PPTC7: variants seen among roughly 807,000 people sequenced by gnomAD.
The protein encoded by PPTC7 is protein phosphatase targeting COQ7, also known as protein phosphatase PTC7 homolog.
PPTC7 carries 6 observed loss-of-function variants against 30.8 expected under a neutral mutation model. The ratio of observed to expected loss-of-function variants is 0.19; its 90% confidence interval spans 0.11 to 0.38. PPTC7 has a LOEUF of 0.38. Ranked by LOEUF, PPTC7 falls within the 10% of genes least tolerant of loss-of-function variation. The pLI, the probability that PPTC7 is intolerant of heterozygous loss-of-function variation, is 1.00. For missense variants in PPTC7, 218 were observed against 404.8 expected, an observed-to-expected ratio of 0.54 and a Z score of 3.96; for synonymous variants, 163 against 168.1, an observed-to-expected ratio of 0.97 and a Z score of 0.23.
chr12:110,533,459 A>G lies in PPTC7; in HGVS notation c.*3578T>C, dbSNP rs2064185977. 6.6e-6 allele frequency: 1 copy of G among 152,202 alleles called. No individual in the cohort carries two copies. Among genetic ancestry groups the G allele is most frequent in the Admixed American group, 6.5e-5 (1 of 15,272 alleles). The allele number at this position is 152,202 out of a possible 1,614,324, so 9.4% of individuals were successfully genotyped here. On this transcript the variant is annotated 3_prime_UTR_variant, in exon 6 of 6. Transcript: ENST00000354300. The stretch of plus-strand genomic sequence containing the variant: ...TCATTATTTAGCCATCTTTGCCACA[A>G]ACTACCTGCTAACAGTTAAAATTCT...
chr12:110,565,496 C>T (rs1051269907), intron 1 of PPTC7, among the ~76,000 whole-genome samples: 3 of 152,088 alleles, frequency 2.0e-5, no homozygotes, highest in Non-Finnish European at 4.4e-5. Flanking sequence ...CCTTGTGATC[C>T]ATCCCGCCTT....
intron 5 of PPTC7, 135 bp from the exon 6 acceptor site, chr12:110,537,230 T>A (rs1453621651): frequency 1.6e-5 from 8 of 502,326 alleles, no homozygotes; most frequent in South Asian, 1.6e-4. Flanking sequence ...CCTAGTAGAA[T>A]AAAGAAAAAA....
At chr12:110,545,184 C>T (rs1295307403) in intron 3 of PPTC7, among the ~76,000 whole-genome samples, 1 of 152,132 alleles carries the variant, frequency 6.6e-6, no homozygotes, top group African/African-American at 2.4e-5. Flanking sequence ...TCTCTGCCTC[C>T]TGGGTTCAAG....
rs146655558 is a variant in PPTC7, at chr12:110,551,574, C to T, written c.403+215G>A. Among the ~76,000 whole-genome samples, 1,737 of 152,130 alleles carry T rather than the reference C, an allele frequency of 0.011. 17 individuals carry two copies. Among genetic ancestry groups the T allele is most frequent in the Middle Eastern group, 0.017 (5 of 294 alleles). On this transcript the variant is annotated intron_variant, in intron 2 of 5. Coordinates refer to ENST00000354300, the MANE Select transcript of PPTC7 (RefSeq NM_139283.2). Reference sequence around the variant, plus strand: ...GTTGGTCAGGCTGGTCTCGAATTCCCGACCTCAGGTGATCTGCCCACCTCA... The same window carrying T: ...GTTGGTCAGGCTGGTCTCGAATTCCTGACCTCAGGTGATCTGCCCACCTCA...
At chr12:110,565,211 G>C (rs1428228803) in intron 1 of PPTC7, among the ~76,000 whole-genome samples, 1 of 151,620 alleles carries the variant, frequency 6.6e-6, no homozygotes, top group Non-Finnish European at 1.5e-5. Flanking sequence ...AATGATCTTT[G>C]AGTAGTAGGA....
At chr12:110,579,209 G>A (rs1003299745) in intron 1 of PPTC7, among the ~76,000 whole-genome samples, 1 of 151,860 alleles carries the variant, frequency 6.6e-6, no homozygotes, top group Non-Finnish European at 1.5e-5. Flanking sequence ...ACCATCATAT[G>A]AACTGGTTCA....
intron 2 of PPTC7, among the ~76,000 whole-genome samples, chr12:110,550,359 T>A (rs992032379): frequency 1.3e-5 from 2 of 151,648 alleles, no homozygotes; most frequent in Non-Finnish European, 2.9e-5. Context: ...GCCTCCTAAG[T>A]AGCTGGGACC....
intron 1 of PPTC7, among the ~76,000 whole-genome samples, chr12:110,563,998 C>A (rs1212498184): frequency 6.6e-6 from 1 of 152,206 alleles, no homozygotes; most frequent in Non-Finnish European, 1.5e-5. Flanking sequence ...TGTTTAAATA[C>A]CAATACTTAA....
intron 1 of PPTC7, among the ~76,000 whole-genome samples, chr12:110,574,722 A>G (rs1184689676): frequency 6.6e-6 from 1 of 152,126 alleles, no homozygotes; most frequent in South Asian, 2.1e-4. Context: ...AATTTTGTGA[A>G]CTGTTAGGAA....
intron 3 of PPTC7, among the ~76,000 whole-genome samples, chr12:110,544,063 T>C (rs541141890): frequency 6.6e-6 from 1 of 152,232 alleles, no homozygotes; most frequent in East Asian, 1.9e-4. Context: ...CTAACAATAA[T>C]GTAGATTACA....
chr12:110,552,539 G>A (rs2064356488), intron 1 of PPTC7, among the ~76,000 whole-genome samples: 1 of 152,150 alleles, frequency 6.6e-6, no homozygotes, highest in Non-Finnish European at 1.5e-5. Flanking sequence ...CCGAAATGAG[G>A]GAAGCCCAAC....
Position 110,538,132 on chromosome 12 carries a change from A to G in PPTC7, c.856+12T>C. 1.2e-6 allele frequency: 2 copies of G among 1,613,594 alleles called. No individual in the cohort carries two copies. Among genetic ancestry groups the G allele is most frequent in the Non-Finnish European group, 1.7e-6 (2 of 1,179,704 alleles). ...CCAGTCAGTCCCTATGACCTTCCCA[A>G]AGAATGCTTACCTCTCACATTCAAT... On this transcript the variant is annotated intron_variant, in intron 5 of 5. Transcript: ENST00000354300.
chr12:110,538,608 A>G (rs1248511321), intron 4 of PPTC7, among the ~76,000 whole-genome samples: 1 of 152,214 alleles, frequency 6.6e-6, no homozygotes, highest in Non-Finnish European at 1.5e-5. Flanking sequence ...TTGCTTAGGA[A>G]CACAGCCTGG....
intron 1 of PPTC7, among the ~76,000 whole-genome samples, chr12:110,561,429 T>C (rs1327570980): frequency 6.6e-6 from 1 of 152,156 alleles, no homozygotes; most frequent in African/African-American, 2.4e-5. Flanking sequence ...CTCTCCTGCC[T>C]CAGCCTCCCG....
At chr12:110,542,332 G>A (rs1051204112) in intron 3 of PPTC7, among the ~76,000 whole-genome samples, 7 of 151,700 alleles carry the variant, frequency 4.6e-5, no homozygotes, top group South Asian at 4.1e-4. Context: ...ACACAGACAT[G>A]GATGCTTCTA....
chr12:110,583,075 G>A lies in PPTC7; in HGVS notation c.-44C>T. The stretch of plus-strand genomic sequence containing the variant: ...GAGGAGGCGGGGGGCCGGGGGAGCA[G>A]GAGGACGCGGAGGCCCGGAGCCGGC... On this transcript the variant is annotated 5_prime_UTR_variant, in exon 1 of 6. Coordinates refer to ENST00000354300, the MANE Select transcript of PPTC7 (RefSeq NM_139283.2). The A allele has an allele frequency of 1.5e-6, 2 of 1,326,812 alleles. No individual in the cohort carries two copies. Among genetic ancestry groups the A allele is most frequent in the Non-Finnish European group, 1.9e-6 (2 of 1,040,608 alleles). 82.2% of individuals were successfully genotyped at this position (1,326,812 alleles called of 1,614,324 possible).
chr12:110,555,433 C>A (rs974077865), intron 1 of PPTC7, among the ~76,000 whole-genome samples: 1 of 152,136 alleles, frequency 6.6e-6, no homozygotes, highest in Non-Finnish European at 1.5e-5. Flanking sequence ...GTTGTTGAAG[C>A]TGAATAAGAA....
chr12:110,555,721 A>G (rs1057132117), intron 1 of PPTC7, among the ~76,000 whole-genome samples: 1 of 152,206 alleles, frequency 6.6e-6, no homozygotes, highest in Non-Finnish European at 1.5e-5. Flanking sequence ...CTAGGGATCT[A>G]TCTTACAAGG....
intron 2 of PPTC7, among the ~76,000 whole-genome samples, chr12:110,547,309 G>A (rs551362637): frequency 3.8e-4 from 58 of 152,266 alleles, no homozygotes; most frequent in African/African-American, 1.4e-3. Context: ...CTGAATCCCA[G>A]CTCTGCCACT....
Sources: gnomAD v4.1 joint callset for allele counts (sites outside exome capture counted in the v4.1 genomes callset) on GRCh38, gnomAD v4.1.1 for gene constraint, MANE v1.5 for transcripts, NCBI Gene and HGNC (gene_info 2026-07-23, HGNC 2026-07-21) for gene names.